CCDC18: variants seen among roughly 807,000 people sequenced by gnomAD.
CCDC18 encodes coiled-coil domain-containing protein 18.
A neutral mutation model predicts 196.0 loss-of-function variants in CCDC18; 157 were observed. That is an observed-to-expected ratio of 0.80 (90% confidence interval 0.70 to 0.91). The LOEUF is 0.91. Ranked by LOEUF, CCDC18 falls within the 40% of genes least tolerant of loss-of-function variation. The pLI is 0.00. For missense variants in CCDC18, 1,465 were observed against 1,611.6 expected (o/e 0.91, Z 1.56); for synonymous variants, 482 against 529.2 (o/e 0.91, Z 1.22).
intron 18 of CCDC18, among the ~76,000 whole-genome samples, chr1:93,234,965 G>GTC (rs1659848413): frequency 6.7e-6 from 1 of 149,366 alleles, no homozygotes; most frequent in Non-Finnish European, 1.5e-5. Flanking sequence ...GTGTGTGTGT[G>GTC]TGTGTGTGGC....
chr1:93,225,542 C>T (rs1027333649), intron 16 of CCDC18, among the ~76,000 whole-genome samples: 3 of 152,080 alleles, frequency 2.0e-5, no homozygotes, highest in Admixed American at 6.5e-5. Context: ...TTTGGGAGGC[C>T]AAGGCGGGTG....
intron 21 of CCDC18, among the ~76,000 whole-genome samples, chr1:93,240,977 T>A (rs139680591): frequency 0.012 from 1,814 of 152,152 alleles, 15 homozygotes; most frequent in Middle Eastern, 0.027. Context: ...ATATATATAT[T>A]TTTTTTCAGA....
intron 6 of CCDC18, among the ~76,000 whole-genome samples, chr1:93,194,867 T>TTTGTTG (rs955537306): frequency 6.6e-6 from 1 of 151,968 alleles, no homozygotes; most frequent in African/African-American, 2.4e-5. Context: ...GAGTATTGAC[T>TTTGTTG]TTGTTGTTGT....
chr1:93,183,408 A>C lies in CCDC18; in HGVS notation c.47A>C (p.Glu16Ala), dbSNP rs1001891218. 1.2e-5 allele frequency: 19 copies of C among 1,605,266 alleles called. No homozygotes were observed. Among genetic ancestry groups the C allele is most frequent in the Non-Finnish European group, 1.5e-5 (18 of 1,173,962 alleles). Residue 16 changes from glutamate to alanine, a missense_variant, in exon 2 of 29, where the codon GAA becomes GCA. Glu to Ala is a moderately radical substitution (Grantham distance 107, BLOSUM62 -1). Transcript: ENST00000690025. ...TACTATAATAAAGACAATGAAGAGG[A>C]AAGTTTGCTTGCAAATGTTGCTTCC... ...SDYYNKDNEE[E>A]SLLANVASLR...
intron 10 of CCDC18, among the ~76,000 whole-genome samples, chr1:93,211,712 GT>G (rs1322775980): frequency 2.6e-5 from 4 of 151,930 alleles, no homozygotes; most frequent in African/African-American, 9.7e-5. Flanking sequence ...ATAGGATTCT[GT>G]CCTATAACAG....
chr1:93,183,815 T>C (rs1650164416), intron 2 of CCDC18, among the ~76,000 whole-genome samples, 163 bp from the exon 3 acceptor site: 1 of 152,072 alleles, frequency 6.6e-6, no homozygotes, highest in African/African-American at 2.4e-5. Context: ...AGTTTAAAAG[T>C]AATTATGATT....
intron 14 of CCDC18, among the ~76,000 whole-genome samples, chr1:93,220,654 C>T (rs937102051): frequency 5.3e-5 from 8 of 152,070 alleles, no homozygotes; most frequent in Non-Finnish European, 7.4e-5. Flanking sequence ...CAGGGGTACA[C>T]GTACAGGAGG....
chr1:93,247,347 T>C (rs1661619385), intron 23 of CCDC18, among the ~76,000 whole-genome samples: 1 of 152,214 alleles, frequency 6.6e-6, no homozygotes, highest in African/African-American at 2.4e-5. Context: ...ATAGAAATGC[T>C]ACTGATTTTT....
intron 6 of CCDC18, among the ~76,000 whole-genome samples, chr1:93,194,284 A>T (rs911831904): frequency 2.0e-5 from 3 of 152,126 alleles, no homozygotes; most frequent in Non-Finnish European, 4.4e-5. Flanking sequence ...GGAACCATTA[A>T]CTCTGAATGC....
intron 6 of CCDC18, among the ~76,000 whole-genome samples, chr1:93,199,310 ATGCCGGCTG>A (rs1653388648): frequency 6.6e-6 from 1 of 152,248 alleles, no homozygotes; most frequent in Admixed American, 6.5e-5. Context: ...ATAGCCAGGC[ATGCCGGCTG>A]TGGTGGTGTG....
chr1:93,270,857 AAGAAT>A (rs1665198336), intron 28 of CCDC18, 43 bp downstream of exon 28: 1 of 1,388,364 alleles, frequency 7.2e-7, no homozygotes, highest in Non-Finnish European at 9.4e-7. Flanking sequence ...TTTGTTTCCA[AAGAAT>A]ATCATTTTAT....
At chr1:93,183,328 A>G (rs765707268) in intron 1 of CCDC18, 32 bp from the exon 2 acceptor site, 1 of 1,451,660 alleles carries the variant, frequency 6.9e-7, no homozygotes, top group Admixed American at 2.1e-5. Context: ...AATCTTTCAG[A>G]CAAGGTACAA....
At chr1:93,217,646 C>T in intron 13 of CCDC18, 92 bp from the exon 14 acceptor site, 2 of 1,061,248 alleles carry the variant, frequency 1.9e-6, no homozygotes, top group South Asian at 1.8e-5. Flanking sequence ...GCCGTGTTTC[C>T]CAGGCTAGTC....
chr1:93,208,869 T>G (rs1655154646), intron 9 of CCDC18, among the ~76,000 whole-genome samples: 2 of 151,762 alleles, frequency 1.3e-5, no homozygotes, highest in African/African-American at 2.4e-5. Flanking sequence ...TTACACCATG[T>G]TGGCCAGGAT....
intron 26 of CCDC18, among the ~76,000 whole-genome samples, chr1:93,259,345 T>G (rs1663461203): frequency 6.6e-6 from 1 of 152,202 alleles, no homozygotes; most frequent in African/African-American, 2.4e-5. Context: ...GCTAGAGAGA[T>G]AATACTAGAG....
Position 93,227,174 on chromosome 1 carries a change from C to CTTTTT in CCDC18, c.2292+743_2292+747dup, listed in dbSNP as rs36053002. ...GTTTCTCAGATACTGCATTGGAAAC[C>CTTTTT]TTTTTTTTTTTTTTTTTTTTTTGAG... On this transcript the variant is annotated intron_variant, in intron 17 of 28. Transcript: ENST00000690025. Among the ~76,000 whole-genome samples, 70 of 103,694 alleles carry CTTTTT rather than the reference C, an allele frequency of 6.8e-4. 1 individual carries two copies. Among genetic ancestry groups the CTTTTT allele is most frequent in the Non-Finnish European group, 8.3e-4 (44 of 53,118 alleles). 68.0% of individuals were successfully genotyped at this position (103,694 alleles called of 152,430 possible).
intron 23 of CCDC18, among the ~76,000 whole-genome samples, chr1:93,254,211 A>G (rs1662638480): frequency 1.3e-5 from 2 of 152,122 alleles, no homozygotes; most frequent in Non-Finnish European, 2.9e-5. Context: ...ACATAGATAC[A>G]TTTTATAGTG....
At chr1:93,273,542 A>C (rs1424271382) in intron 28 of CCDC18, 1 of 152,238 alleles carries the variant, frequency 6.6e-6, no homozygotes, top group Non-Finnish European at 1.5e-5. Context: ...TAGTTCTGTC[A>C]TGTGGAACAA....
intron 11 of CCDC18, 125 bp from the exon 12 acceptor site, chr1:93,214,618 C>T: frequency 1.6e-6 from 1 of 616,708 alleles, no homozygotes; most frequent in Non-Finnish European, 2.9e-6. Context: ...GTCTCATTCT[C>T]TGTCCCTTTT....
Sources: allele counts gnomAD v4.1 joint callset (sites outside exome capture counted in the v4.1 genomes callset), GRCh38; gene constraint gnomAD v4.1.1; transcripts MANE v1.5; gene names NCBI Gene and HGNC (gene_info 2026-07-23, HGNC 2026-07-21).